SLC5A8: variants seen among roughly 807,000 people sequenced by gnomAD.
The protein encoded by SLC5A8 is sodium-coupled monocarboxylate transporter 1.
A neutral mutation model predicts 71.9 loss-of-function variants in SLC5A8; 55 were observed. The ratio of observed to expected loss-of-function variants is 0.77; its 90% confidence interval spans 0.62 to 0.96. The LOEUF is 0.96. Among genes scored for constraint, SLC5A8 ranks in the 40% least tolerant of loss-of-function variants. The probability of loss-of-function intolerance (pLI) is 0.00; values close to 1 mark genes in which losing one functional copy is unlikely to be tolerated. For synonymous variants in SLC5A8, 307 were observed against 276.1 expected, an observed-to-expected ratio of 1.11 and a Z score of -1.11; for missense variants, 701 against 745.3, an observed-to-expected ratio of 0.94 and a Z score of 0.69.
Position 101,168,761 on chromosome 12 carries a change from A to C in SLC5A8, c.1234-579T>G, listed in dbSNP as rs1419704840. 4.6e-5 allele frequency among the ~76,000 whole-genome samples: 7 copies of C among 152,246 alleles called. No individual in the cohort carries two copies. The East Asian group carries it at 1.3e-3, about 29-fold the overall frequency. On this transcript the variant is annotated intron_variant, in intron 10 of 14. Transcript: ENST00000536262. ...GATGTAGAGATATCAAATCCATGAT[A>C]GTAAAAAAGATTTACAGTGCAAACA...
intron 14 of SLC5A8, 58 bp downstream of exon 14, chr12:101,158,191 T>G: frequency 8.5e-7 from 1 of 1,180,648 alleles, no homozygotes; most frequent in South Asian, 1.3e-5. Flanking sequence ...CTAATTAGTG[T>G]TCTATCCAGG....
chr12:101,174,510 C>T (rs1461180870), intron 10 of SLC5A8, among the ~76,000 whole-genome samples: 3 of 152,142 alleles, frequency 2.0e-5, no homozygotes, highest in Non-Finnish European at 2.9e-5. Flanking sequence ...AGGTTAGTTA[C>T]CAGCTGTTTC....
At chr12:101,202,552 A>T (rs867785974) in intron 2 of SLC5A8, among the ~76,000 whole-genome samples, 6 of 151,952 alleles carry the variant, frequency 3.9e-5, no homozygotes, top group Non-Finnish European at 7.4e-5. Context: ...TTAGAAAAAA[A>T]TAAATAATAA....
intron 12 of SLC5A8, among the ~76,000 whole-genome samples, chr12:101,164,351 T>C (rs1398572582): frequency 6.6e-6 from 1 of 152,226 alleles, no homozygotes; most frequent in Non-Finnish European, 1.5e-5. Context: ...AATGAAAATG[T>C]ATTTGACTTC....
At chr12:101,189,097 G>A (rs1043900588) in intron 6 of SLC5A8, among the ~76,000 whole-genome samples, 8 of 152,188 alleles carry the variant, frequency 5.3e-5, no homozygotes, top group Non-Finnish European at 7.3e-5. Context: ...TATCAAGAAA[G>A]CTCTAATGCT....
intron 7 of SLC5A8, among the ~76,000 whole-genome samples, chr12:101,185,104 C>T (rs186994670): frequency 8.3e-4 from 126 of 152,272 alleles, no homozygotes; most frequent in African/African-American, 2.9e-3. Flanking sequence ...CAATAGTGTG[C>T]TCATGGGATA....
chr12:101,205,442 T>C (rs1473898737), intron 1 of SLC5A8, among the ~76,000 whole-genome samples: 1 of 152,196 alleles, frequency 6.6e-6, no homozygotes, highest in Non-Finnish European at 1.5e-5. Context: ...TGTATTATAA[T>C]ATACATATTA....
intron 7 of SLC5A8, among the ~76,000 whole-genome samples, chr12:101,186,780 A>C (rs180733867): frequency 3.5e-4 from 54 of 152,290 alleles, no homozygotes; most frequent in Non-Finnish European, 5.6e-4. Flanking sequence ...TGGGTATTTG[A>C]TAACTGCTCA....
chr12:101,158,633 T>TATATAG (rs56013932), intron 13 of SLC5A8, among the ~76,000 whole-genome samples: 1 of 125,512 alleles, frequency 8.0e-6, no homozygotes, highest in African/African-American at 2.8e-5. Context: ...TATATATATA[T>TATATAG]GTATCATATA....
chr12:101,184,046 G>T, intron 8 of SLC5A8, 88 bp downstream of exon 8: 2 of 1,345,762 alleles, frequency 1.5e-6, no homozygotes, highest in Non-Finnish European at 2.1e-6. Flanking sequence ...TCTGTGCCCA[G>T]AACTCCACAT....
chr12:101,157,585 A>G (rs916705090), intron 14 of SLC5A8, among the ~76,000 whole-genome samples, 184 bp from the exon 15 acceptor site: 1 of 152,214 alleles, frequency 6.6e-6, no homozygotes. Flanking sequence ...GATACAGGTT[A>G]TCAGAAGATA....
intron 10 of SLC5A8, among the ~76,000 whole-genome samples, chr12:101,172,218 AC>A (rs1356262605): frequency 6.9e-6 from 1 of 145,432 alleles, no homozygotes; most frequent in Non-Finnish European, 1.5e-5. Flanking sequence ...GGCCCAAGAG[AC>A]CCCTAGGCAA....
chr12:101,190,023 T>A (rs1235444838), intron 6 of SLC5A8, among the ~76,000 whole-genome samples: 2 of 152,180 alleles, frequency 1.3e-5, no homozygotes, highest in East Asian at 3.9e-4. Context: ...GGGTTATAAA[T>A]CCATGACTGT....
At chr12:101,187,227 C>T (rs1868682911) in intron 7 of SLC5A8, among the ~76,000 whole-genome samples, 159 bp downstream of exon 7, 1 of 152,118 alleles carries the variant, frequency 6.6e-6, no homozygotes, top group Non-Finnish European at 1.5e-5. Flanking sequence ...CTTGCTATAT[C>T]TGCTAAAATA....
At chr12:101,157,843 A>T (rs1240580876) in intron 14 of SLC5A8, among the ~76,000 whole-genome samples, 4 of 152,320 alleles carry the variant, frequency 2.6e-5, no homozygotes, top group African/African-American at 7.2e-5. Context: ...GAATAGAGGG[A>T]TATACAACAG....
chr12:101,178,259 A>T (rs1042589609), intron 10 of SLC5A8, among the ~76,000 whole-genome samples: 3 of 152,190 alleles, frequency 2.0e-5, no homozygotes, highest in African/African-American at 7.2e-5. Context: ...TCAGGCTATC[A>T]ATATTTAAGC....
At chr12:101,196,862 G>A (rs188870424) in intron 3 of SLC5A8, among the ~76,000 whole-genome samples, 68 of 152,256 alleles carry the variant, frequency 4.5e-4, no homozygotes, top group African/African-American at 2.4e-4. Context: ...TGATAACTGG[G>A]CCACTCAACA....
At position 101,187,867 on chromosome 12, in the gene SLC5A8, C is replaced by A. The variant is rs537588714; in HGVS notation, c.834-352G>T. 1.8e-4 allele frequency among the ~76,000 whole-genome samples: 27 copies of A among 152,316 alleles called. 1 individual carries two copies. Among genetic ancestry groups the A allele is most frequent in the East Asian group, 9.6e-4 (5 of 5,188 alleles). ...ATTTTAATAGTCAATCGAGCATTAA[C>A]TATTACTCATTTTCCTTTTAAAAGT... is the stretch of plus-strand genomic sequence containing the variant. On this transcript the variant is annotated intron_variant, in intron 6 of 14. Coordinates refer to ENST00000536262, the MANE Select transcript of SLC5A8 (RefSeq NM_145913.5).
At chr12:101,184,353 T>G (rs1053378856) in intron 7 of SLC5A8, 131 bp from the exon 8 acceptor site, 2 of 712,266 alleles carry the variant, frequency 2.8e-6, no homozygotes, top group African/African-American at 3.6e-5. Context: ...AATTTTCAAA[T>G]ACCTAAAATT....
Sources: gnomAD v4.1 joint callset for allele counts (sites outside exome capture counted in the v4.1 genomes callset) on GRCh38, gnomAD v4.1.1 for gene constraint, MANE v1.5 for transcripts, NCBI Gene and HGNC (gene_info 2026-07-23, HGNC 2026-07-21) for gene names.